Variants in TANC1 observed in about 807,000 individuals in gnomAD.
The protein encoded by TANC1 is tetratricopeptide repeat, ankyrin repeat and coiled-coil containing 1, also known as protein TANC1.
Under a neutral mutation model 149.7 loss-of-function variants are expected in TANC1, and 77 were observed. That is an observed-to-expected ratio of 0.51 (90% CI 0.43 to 0.62). The LOEUF is 0.62. TANC1 is among the 20% of genes least tolerant of loss of function. The pLI is 0.00. For missense variants in TANC1, 1,985 were observed against 2,321.8 expected (o/e 0.85, Z 2.98); for synonymous variants, 854 against 925.0 (o/e 0.92, Z 1.39).
intron 2 of TANC1, among the ~76,000 whole-genome samples, chr2:159,055,292 G>A (rs1020600047): frequency 9.2e-5 from 14 of 152,238 alleles, no homozygotes; most frequent in African/African-American, 3.1e-4. Flanking sequence ...ACCCTAGGTG[G>A]TTCTCCAGGA....
chr2:159,221,964 A>C (rs563757335), intron 22 of TANC1, among the ~76,000 whole-genome samples: 1 of 152,314 alleles, frequency 6.6e-6, no homozygotes, highest in South Asian at 2.1e-4. Context: ...CAATACATCT[A>C]ATGGAAGGAC....
chr2:159,002,454 A>C (rs746393818), intron 2 of TANC1, among the ~76,000 whole-genome samples: 6 of 152,236 alleles, frequency 3.9e-5, no homozygotes, highest in Non-Finnish European at 8.8e-5. Flanking sequence ...GTAGATGATC[A>C]GCAAACTGCA....
At chr2:159,017,159 A>G (rs539843510) in intron 2 of TANC1, among the ~76,000 whole-genome samples, 10 of 152,232 alleles carry the variant, frequency 6.6e-5, no homozygotes, top group Admixed American at 2.0e-4. Context: ...GCGCCCTAAC[A>G]GGGGAAAATG....
rs1290253012 is a variant in TANC1 at position 159,103,040 on chromosome 2, T to A, written c.259+5206T>A. On this transcript the variant is annotated intron_variant, in intron 4 of 26. Coordinates refer to ENST00000263635, the MANE Select transcript of TANC1 (RefSeq NM_033394.3). ...GCCAGATACTTACTTTTTAAAAAAA[T>A]TTTTAGCATGTTATAATGTTTTCGC... Among the ~76,000 whole-genome samples, 21 of 95,104 alleles carry A rather than the reference T, an allele frequency of 2.2e-4. 6 individuals are homozygous for A. The highest frequency in any genetic ancestry group is 4.4e-4 in the African/African-American group (15 of 34,388). 62.4% of individuals were successfully genotyped at this position (95,104 alleles called of 152,430 possible).
At chr2:159,079,346 C>CTTTTTTTTTTTTT (rs68143585) in intron 3 of TANC1, among the ~76,000 whole-genome samples, 1 of 109,908 alleles carries the variant, frequency 9.1e-6, no homozygotes, top group Non-Finnish European at 1.7e-5. Context: ...GTGTGTGTGT[C>CTTTTTTTTTTTTT]TTTTTTTTTT....
rs1017174058 is a variant in TANC1, at chr2:159,178,603, C to T, written c.1950C>T (p.Phe650=). The T allele has an allele frequency of 6.2e-7, 1 of 1,605,026 alleles. No homozygotes were observed. The highest frequency in any genetic ancestry group is 8.5e-7 in the Non-Finnish European group (1 of 1,176,518). Residue 650 remains phenylalanine, a synonymous_variant, in exon 14 of 27, where the codon TTC becomes TTT. Coordinates refer to ENST00000263635, the MANE Select transcript of TANC1 (RefSeq NM_033394.3). ...LPFVKLSLDD[F]PDNKDIHSDL... Reference sequence around the variant, plus strand: ...TTGTCAAGCTTTCCTTAGATGACTTCCCAGACAACAAAGACATCCACAGTG... The same window carrying T: ...TTGTCAAGCTTTCCTTAGATGACTTTCCAGACAACAAAGACATCCACAGTG...
At chr2:159,146,635 G>C (rs2150291579) in intron 5 of TANC1, among the ~76,000 whole-genome samples, 1 of 150,110 alleles carries the variant, frequency 6.7e-6, no homozygotes, top group African/African-American at 2.5e-5. Flanking sequence ...CTGCCTCCCG[G>C]ATTCAAGTGA....
intron 3 of TANC1, among the ~76,000 whole-genome samples, chr2:159,089,589 A>G (rs1574584075): frequency 6.6e-6 from 1 of 152,010 alleles, no homozygotes; most frequent in Non-Finnish European, 1.5e-5. Context: ...GGCAGACTGG[A>G]TGTTTTCCTA....
rs763388791 is a variant in TANC1, at chr2:159,229,633, A to C, written c.4207A>C (p.Asn1403His). 1.9e-6 allele frequency: 3 copies of C among 1,614,006 alleles called. No homozygotes were observed. Among genetic ancestry groups the C allele is most frequent in the South Asian group, 1.1e-5 (1 of 91,058 alleles). ...AGAGGCTGTGAAACTCTGTCCCACC[A>C]ATCAGGAAGTCAAGAGGCTTCTGGC... Reference protein sequence around the residue: ...LQEAVKLCPTNQEVKRLLARV... With the variant: ...LQEAVKLCPTHQEVKRLLARV... Residue 1403 changes from asparagine (N) to histidine (H), a missense_variant, in exon 27 of 27, where the codon AAT becomes CAT. Asn to His is a moderately conservative substitution (Grantham distance 68). Coordinates refer to ENST00000263635, the MANE Select transcript of TANC1 (RefSeq NM_033394.3).
At chr2:159,033,062 T>C (rs1215165029) in intron 2 of TANC1, among the ~76,000 whole-genome samples, 2 of 152,212 alleles carry the variant, frequency 1.3e-5, no homozygotes, top group East Asian at 1.9e-4. Flanking sequence ...CCACTGTTTG[T>C]ACAGCCTAAA....
At chr2:159,131,848 A>G (rs1365300004) in intron 4 of TANC1, among the ~76,000 whole-genome samples, 1 of 152,232 alleles carries the variant, frequency 6.6e-6, no homozygotes, top group Non-Finnish European at 1.5e-5. Flanking sequence ...ATTTAAATAC[A>G]AGGATCATGC....
At chr2:159,030,137 CTG>C (rs1425009753) in intron 2 of TANC1, among the ~76,000 whole-genome samples, 1 of 151,842 alleles carries the variant, frequency 6.6e-6, no homozygotes, top group Non-Finnish European at 1.5e-5. Context: ...TTTTAAGTGA[CTG>C]TGTGTTATTC....
intron 2 of TANC1, among the ~76,000 whole-genome samples, chr2:159,025,290 C>A (rs938111633): frequency 7.4e-6 from 1 of 135,306 alleles, no homozygotes; most frequent in African/African-American, 2.8e-5. Context: ...TCTTTTCTTT[C>A]TTTTCTTGTG....
chr2:158,987,332 C>G (rs984082462), intron 1 of TANC1, among the ~76,000 whole-genome samples: 2 of 151,878 alleles, frequency 1.3e-5, no homozygotes, highest in Admixed American at 6.6e-5. Context: ...TCAAGACCAG[C>G]CTGGGCAACA....
At chr2:159,197,710 A>G (rs1318710419) in intron 18 of TANC1, among the ~76,000 whole-genome samples, 1 of 152,152 alleles carries the variant, frequency 6.6e-6, no homozygotes, top group African/African-American at 2.4e-5. Context: ...TGGGAGGACC[A>G]TGAATGCCTA....
At chr2:159,140,832 A>G (rs1195772636) in intron 5 of TANC1, among the ~76,000 whole-genome samples, 2 of 151,702 alleles carry the variant, frequency 1.3e-5, no homozygotes, top group African/African-American at 4.8e-5. Flanking sequence ...CTGGGATTAC[A>G]GGCACCCACC....
intron 4 of TANC1, among the ~76,000 whole-genome samples, chr2:159,106,662 A>G (rs1162323775): frequency 2.6e-5 from 4 of 152,190 alleles, no homozygotes; most frequent in Non-Finnish European, 5.9e-5. Flanking sequence ...TTATATGGAC[A>G]TATATTTTTC....
chr2:159,137,335 G>A (rs2050866534), intron 5 of TANC1, among the ~76,000 whole-genome samples: 2 of 152,182 alleles, frequency 1.3e-5, no homozygotes, highest in Admixed American at 1.3e-4. Context: ...TGTGAGGAAG[G>A]ATCAGCAAAA....
chr2:158,996,904 A>G (rs2036179230), intron 1 of TANC1, among the ~76,000 whole-genome samples: 1 of 152,154 alleles, frequency 6.6e-6, no homozygotes, highest in African/African-American at 2.4e-5. Context: ...GCAAATTTAT[A>G]AAACATCAAC....
Sources: gnomAD v4.1 joint callset for allele counts (sites outside exome capture counted in the v4.1 genomes callset) on GRCh38, gnomAD v4.1.1 for gene constraint, MANE v1.5 for transcripts, NCBI Gene and HGNC (gene_info 2026-07-23, HGNC 2026-07-21) for gene names.